The following AKAP6 variants were observed in gnomAD, a reference collection of about 807,000 sequenced individuals.
AKAP6 encodes the protein A-kinase anchor protein 6.
Under a neutral mutation model 188.5 loss-of-function variants are expected in AKAP6, and 58 were observed. The observed-to-expected ratio is 0.31, with a 90% confidence interval of 0.25 to 0.38. The LOEUF is 0.38. AKAP6 is among the 10% of genes least tolerant of loss of function. The probability of loss-of-function intolerance (pLI) is 1.00; values close to 1 mark genes in which losing one functional copy is unlikely to be tolerated. For missense variants in AKAP6, 2,710 were observed against 2,740.0 expected (o/e 0.99, Z 0.24); for synonymous variants, 989 against 998.6 (o/e 0.99, Z 0.18).
chr14:32,368,876 GAAGA>G (rs1157306854), intron 1 of AKAP6, among the ~76,000 whole-genome samples: 1 of 135,764 alleles, frequency 7.4e-6, no homozygotes, highest in Admixed American at 7.3e-5. Context: ...ATATTAAGAA[GAAGA>G]AAAAAAAAAC....
intron 2 of AKAP6, among the ~76,000 whole-genome samples, chr14:32,441,526 A>G (rs1370896251): frequency 6.6e-6 from 1 of 152,182 alleles, no homozygotes; most frequent in Admixed American, 6.5e-5. Flanking sequence ...TGATTGTTGA[A>G]TGATTGATGT....
Position 32,337,914 on chromosome 14 carries a change from G to C in AKAP6, c.-35+8506G>C, listed in dbSNP as rs139901837. Among the ~76,000 whole-genome samples the C allele has an allele frequency of 5.9e-4, 90 of 152,230 alleles. 1 individual carries two copies. Among genetic ancestry groups the C allele is most frequent in the African/African-American group, 2.0e-3 (83 of 41,538 alleles). ...TCATGCCTGTAGTCTTAGCACCTCA[G>C]GAGGCTGAGGGGGGAGGATTGCTTG... On this transcript the variant is annotated intron_variant, in intron 1 of 13. Transcript: ENST00000280979.
intron 2 of AKAP6, among the ~76,000 whole-genome samples, chr14:32,439,979 A>G (rs1006167022): frequency 6.6e-6 from 1 of 152,124 alleles, no homozygotes; most frequent in Non-Finnish European, 1.5e-5. Context: ...TTAGATCACT[A>G]TTTTTCAACA....
At chr14:32,676,171 C>T (rs1889416884) in intron 7 of AKAP6, among the ~76,000 whole-genome samples, 2 of 152,110 alleles carry the variant, frequency 1.3e-5, no homozygotes, top group East Asian at 3.9e-4. Context: ...AACTTTGTGG[C>T]TTTGCAGTGG....
chr14:32,539,747 T>C (rs915153987), intron 3 of AKAP6, among the ~76,000 whole-genome samples: 22 of 152,184 alleles, frequency 1.4e-4, no homozygotes, highest in Non-Finnish European at 2.1e-4. Context: ...AAACAAACCT[T>C]TGTTGTACTT....
intron 10 of AKAP6, among the ~76,000 whole-genome samples, chr14:32,735,022 G>A (rs1375424133): frequency 2.0e-5 from 3 of 152,088 alleles, no homozygotes; most frequent in African/African-American, 7.2e-5. Context: ...CACATATTCG[G>A]TATTAGAAAG....
rs565947715 is a variant in AKAP6, at chr14:32,529,135, TC to T, written c.325-6417del. Reference sequence around the variant, plus strand: ...TGGAATACCACTGCATGTATTTACTTCCTTGATTTCTTTCATCAGAGTTTGC... The same window carrying T: ...TGGAATACCACTGCATGTATTTACTTCTTGATTTCTTTCATCAGAGTTTGC... On this transcript the variant is annotated intron_variant, in intron 2 of 13. Coordinates refer to ENST00000280979, the MANE Select transcript of AKAP6 (RefSeq NM_004274.5). Among the ~76,000 whole-genome samples, 8 of 152,330 alleles carry T rather than the reference TC, an allele frequency of 5.3e-5. No individual in the cohort carries two copies. In the South Asian group the frequency reaches 1.7e-3, roughly 32 times the overall value.
chr14:32,441,925 G>T (rs1263176079), intron 2 of AKAP6, among the ~76,000 whole-genome samples: 1 of 152,336 alleles, frequency 6.6e-6, no homozygotes, highest in Non-Finnish European at 1.5e-5. Flanking sequence ...TTTGATTAGA[G>T]AAGTGTTATT....
intron 2 of AKAP6, among the ~76,000 whole-genome samples, chr14:32,531,707 T>C (rs2139101084): frequency 6.6e-6 from 1 of 152,320 alleles, no homozygotes; most frequent in African/African-American, 2.4e-5. Flanking sequence ...TTTTGTCTTA[T>C]GAGAATATTA....
rs944716234 is a variant in AKAP6 at position 32,824,412 on chromosome 14, A to G, written c.6599A>G (p.Asp2200Gly). 6.2e-7 allele frequency: 1 copy of G among 1,613,822 alleles called. No individual in the cohort carries two copies. Among genetic ancestry groups the G allele is most frequent in the African/African-American group, 1.3e-5 (1 of 74,908 alleles). ...QATACSSEFS[D>G]SSLSADDADT... ...ACAGCATGTTCTTCTGAGTTCAGTG[A>G]TAGTTCTCTTTCAGCTGATGATGCA... The change falls in exon 13 of 14, where the codon GAT becomes GGT. Residue 2200 changes from aspartate to glycine, a missense_variant. Physicochemically the swap from Asp to Gly is moderately conservative, Grantham distance 94. Around this residue, in one of 2 missense-constraint regions of AKAP6, gnomAD observed 2,473 missense variants for 2,426.1 expected, o/e 1.02. Coordinates refer to ENST00000280979, the MANE Select transcript of AKAP6 (RefSeq NM_004274.5).
intron 1 of AKAP6, chr14:32,402,963 C>G (rs1184854179): frequency 1.3e-5 from 2 of 152,190 alleles, no homozygotes; most frequent in Non-Finnish European, 2.9e-5. Flanking sequence ...AACTCCTGAC[C>G]TCAAGTGATC....
chr14:32,604,495 G>T lies in AKAP6; in HGVS notation c.2730+3703G>T, dbSNP rs141581849. Among the ~76,000 whole-genome samples the T allele has an allele frequency of 2.0e-3, 302 of 152,194 alleles. 1 individual carries two copies. The highest frequency in any genetic ancestry group is 6.6e-3 in the African/African-American group (275 of 41,512). ...TAAGAAACTATGAAAAAATCAGAATGCTCATGCTTTCTATTTGTTTAATGT... is the reference window on the plus strand; with the variant it reads ...TAAGAAACTATGAAAAAATCAGAATTCTCATGCTTTCTATTTGTTTAATGT... On this transcript the variant is annotated intron_variant, in intron 7 of 13. Coordinates refer to ENST00000280979, the MANE Select transcript of AKAP6 (RefSeq NM_004274.5).
rs1884282118 is a variant in AKAP6, at chr14:32,568,042, G to A, written c.2347-9078G>A. ...AAAGAGGCAAAACAACAATAGTCAA[G>A]GAAGAAAGAAAAGAAAGGCTGAAAA... On this transcript the variant is annotated intron_variant, in intron 4 of 13. Coordinates refer to ENST00000280979, the MANE Select transcript of AKAP6 (RefSeq NM_004274.5). This position sits in a 1 kb window ranked among gnomAD's most constrained non-coding sequence, Gnocchi z 6.2. 6.6e-6 allele frequency among the ~76,000 whole-genome samples: 1 copy of A among 151,932 alleles called. No homozygotes were observed. The highest frequency in any genetic ancestry group is 1.5e-5 in the Non-Finnish European group (1 of 67,980).
At chr14:32,741,349 C>T (rs185060804) in intron 11 of AKAP6, among the ~76,000 whole-genome samples, 156 of 152,020 alleles carry the variant, frequency 1.0e-3, no homozygotes, top group African/African-American at 3.7e-3. Flanking sequence ...ATTTGGATGC[C>T]TCTATTTCTT....
At chr14:32,785,229 A>T (rs1417461265) in intron 12 of AKAP6, among the ~76,000 whole-genome samples, 1 of 152,194 alleles carries the variant, frequency 6.6e-6, no homozygotes, top group Non-Finnish European at 1.5e-5. Context: ...CAGAAGAAAT[A>T]CATGAATAGA....
At chr14:32,485,640 GC>G (rs1386605225) in intron 2 of AKAP6, among the ~76,000 whole-genome samples, 1 of 141,484 alleles carries the variant, frequency 7.1e-6, no homozygotes, top group Non-Finnish European at 1.5e-5. Flanking sequence ...CATACCCTTC[GC>G]CCACCTTTTA....
rs533970810 is a variant in AKAP6 at position 32,428,496 on chromosome 14, G to A, written c.-34-4964G>A. 3.5e-4 allele frequency among the ~76,000 whole-genome samples: 53 copies of A among 152,072 alleles called. 1 individual carries two copies. The highest frequency in any genetic ancestry group is 6.3e-4 in the Non-Finnish European group (43 of 68,028). The stretch of plus-strand genomic sequence containing the variant: ...CCTTCATATTGTTTGGCCACAAGAA[G>A]AGAAACACCGGGGAGAGGAGGAGCC... On this transcript the variant is annotated intron_variant, in intron 1 of 13. Coordinates refer to ENST00000280979, the MANE Select transcript of AKAP6 (RefSeq NM_004274.5).
At chr14:32,698,406 C>T (rs1201475005) in intron 9 of AKAP6, among the ~76,000 whole-genome samples, 1 of 152,076 alleles carries the variant, frequency 6.6e-6, no homozygotes, top group Non-Finnish European at 1.5e-5. Context: ...GGTGCCCAGG[C>T]CTTGCCAGGT....
At chr14:32,491,169 C>T (rs1879994149) in intron 2 of AKAP6, among the ~76,000 whole-genome samples, 1 of 152,164 alleles carries the variant, frequency 6.6e-6, no homozygotes, top group Non-Finnish European at 1.5e-5. Context: ...CAGATGCTTC[C>T]TCCTGGTTTA....
Sources: allele counts gnomAD v4.1 joint callset (sites outside exome capture counted in the v4.1 genomes callset), GRCh38; gene constraint gnomAD v4.1.1; regional missense constraint gnomAD v4.1.1; non-coding constraint Gnocchi (gnomAD v3.1); transcripts MANE v1.5; gene names NCBI Gene and HGNC (gene_info 2026-07-23, HGNC 2026-07-21).